ROBO2: variants seen among roughly 807,000 people sequenced by gnomAD.
The protein encoded by ROBO2 is roundabout homolog 2.
A neutral mutation model predicts 160.8 loss-of-function variants in ROBO2; 53 were observed. The observed-to-expected ratio is 0.33, with a 90% CI of 0.26 to 0.41. The LOEUF (loss-of-function observed/expected upper bound fraction) is 0.41, where lower values mean the gene tolerates loss of function less well. Ranked by LOEUF, ROBO2 falls within the 10% of genes least tolerant of loss-of-function variation. The pLI is 1.00. For missense variants in ROBO2, 1,577 were observed against 1,722.4 expected, an observed-to-expected ratio of 0.92 and a Z score of 1.49; for synonymous variants, 664 against 611.7, an observed-to-expected ratio of 1.09 and a Z score of -1.26.
chr3:76,263,658 A>G (rs1445187329), intron 2 of ROBO2, among the ~76,000 whole-genome samples: 2 of 152,162 alleles, frequency 1.3e-5, no homozygotes, highest in African/African-American at 4.8e-5. Flanking sequence ...TTACAGGTTT[A>G]TTGCAATGAC....
At chr3:77,435,200 CT>C (rs1485836549) in intron 2 of ROBO2, among the ~76,000 whole-genome samples, 1 of 151,850 alleles carries the variant, frequency 6.6e-6, no homozygotes, top group African/African-American at 2.4e-5. Flanking sequence ...CTAATTTTCT[CT>C]TGAAATTTAC....
At chr3:77,502,812 T>C (rs945705499) in intron 5 of ROBO2, among the ~76,000 whole-genome samples, 1 of 152,210 alleles carries the variant, frequency 6.6e-6, no homozygotes, top group Admixed American at 6.5e-5. Flanking sequence ...CATTATTTTA[T>C]ATAAAGGATT....
chr3:76,869,408 G>A (rs2071762462), intron 2 of ROBO2, among the ~76,000 whole-genome samples: 1 of 132,144 alleles, frequency 7.6e-6, no homozygotes, highest in South Asian at 2.4e-4. Context: ...GGAGTGCAGT[G>A]GCGCGATCTC....
At chr3:77,477,549 A>G in exon 3 of ROBO2, 1 of 1,614,154 alleles carries the variant, frequency 6.2e-7, no homozygotes, top group Non-Finnish European at 8.5e-7. Context: ...GTTCGAATTG[A>G]TGACAAGGAA....
At chr3:77,467,620 T>TATCTATCTATC (rs1057391945) in intron 2 of ROBO2, among the ~76,000 whole-genome samples, 4 of 150,428 alleles carry the variant, frequency 2.7e-5, no homozygotes, top group African/African-American at 7.3e-5. Context: ...TCTATCTATC[T>TATCTATCTATC]ATCTATCTAT....
rs954473830 is a variant in ROBO2 at position 77,560,791 on chromosome 3, T to C, written c.1438-1860T>C. Among the ~76,000 whole-genome samples, 5 of 152,184 alleles carry C rather than the reference T, an allele frequency of 3.3e-5. No individual in the cohort carries two copies. The East Asian group carries it at 7.7e-4, about 24-fold the overall frequency. ...ATGCAGTTAAGAAGCATTACCTACATACTTTTCTTTTAGCATTTGCAAGTA... is the reference window on the plus strand; with the variant it reads ...ATGCAGTTAAGAAGCATTACCTACACACTTTTCTTTTAGCATTTGCAAGTA... On this transcript the variant is annotated intron_variant, in intron 9 of 25. Transcript: ENST00000461745.
intron 2 of ROBO2, among the ~76,000 whole-genome samples, chr3:76,780,587 C>A (rs2062579237): frequency 6.6e-6 from 1 of 150,734 alleles, no homozygotes; most frequent in Admixed American, 6.6e-5. Context: ...TGTCTTTCAT[C>A]CATTTTGAGT....
intron 2 of ROBO2, among the ~76,000 whole-genome samples, chr3:77,298,941 C>G (rs1046763743): frequency 4.6e-5 from 7 of 152,020 alleles, no homozygotes; most frequent in African/African-American, 1.7e-4. Flanking sequence ...AATCAGTAGC[C>G]AGGACATTTC....
rs868066401 is a variant in ROBO2 at position 76,639,468 on chromosome 3, A to T, written c.110-458546A>T. On this transcript the variant is annotated intron_variant, in intron 2 of 26. Coordinates refer to the ROBO2 transcript ENST00000487694. The stretch of plus-strand genomic sequence containing the variant: ...TATAAGTGTACCTACACTCTCTCAC[A>T]CACACACACACACACACACACATAT... Among the ~76,000 whole-genome samples, 684 of 139,600 alleles carry T rather than the reference A, an allele frequency of 4.9e-3. 9 individuals carry two copies. Among genetic ancestry groups the T allele is most frequent in the African/African-American group, 0.016 (629 of 39,738 alleles). 91.6% of individuals were successfully genotyped at this position (139,600 alleles called of 152,430 possible).
chr3:77,557,835 T>C lies in ROBO2; in HGVS notation c.1232-109T>C, dbSNP rs1378761549. The C allele has an allele frequency of 4.8e-6, 4 of 828,414 alleles. No homozygotes were observed. In the African/African-American group the frequency reaches 6.8e-5, roughly 14 times the overall value. 51.3% of individuals were successfully genotyped at this position (828,414 alleles called of 1,614,324 possible). A position where few individuals can be genotyped will look rare whatever the true frequency, so the allele number is the denominator to read the frequency against. On this transcript the variant is annotated intron_variant, in intron 8 of 25. Transcript: ENST00000461745. ...TATACATATTGCTTAGAATAAGTTATAAGTAATATATATTGTGTTGGGGCT... is the reference window on the plus strand; with the variant it reads ...TATACATATTGCTTAGAATAAGTTACAAGTAATATATATTGTGTTGGGGCT...
chr3:77,509,962 G>A (rs1250799599), intron 5 of ROBO2, among the ~76,000 whole-genome samples: 1 of 151,998 alleles, frequency 6.6e-6, no homozygotes, highest in African/African-American at 2.4e-5. Context: ...AGAGAGAGGT[G>A]GGAGGTATGG....
intron 2 of ROBO2, among the ~76,000 whole-genome samples, chr3:77,323,072 G>C (rs868424183): frequency 1.8e-5 from 2 of 113,630 alleles, no homozygotes; most frequent in African/African-American, 6.7e-5. Context: ...ATTATATTAT[G>C]GATAATATAA....
chr3:77,291,619 C>T (rs1237284843), intron 2 of ROBO2, among the ~76,000 whole-genome samples: 77 of 133,620 alleles, frequency 5.8e-4, no homozygotes, highest in African/African-American at 2.1e-3. Context: ...GTAAAATTGA[C>T]GGTTAAATGG....
intron 2 of ROBO2, among the ~76,000 whole-genome samples, chr3:77,147,565 C>T (rs1020502829): frequency 6.6e-5 from 10 of 152,090 alleles, no homozygotes; most frequent in Non-Finnish European, 1.5e-4. Flanking sequence ...CACCATAATA[C>T]TGAAAGTTTT....
At chr3:77,528,436 T>A (rs556386612) in intron 6 of ROBO2, among the ~76,000 whole-genome samples, 1 of 151,794 alleles carries the variant, frequency 6.6e-6, no homozygotes, top group African/African-American at 2.4e-5. Context: ...TTTTTCCCCC[T>A]TCGGTTGAAA....
intron 19 of ROBO2, among the ~76,000 whole-genome samples, chr3:77,599,571 A>G (rs1035316520): frequency 6.6e-6 from 1 of 151,774 alleles, no homozygotes; most frequent in African/African-American, 2.4e-5. Context: ...TGGGTGCAGC[A>G]CACCAACATG....
chr3:77,350,989 A>G (rs759201219), intron 2 of ROBO2, among the ~76,000 whole-genome samples: 7 of 152,214 alleles, frequency 4.6e-5, no homozygotes, highest in Admixed American at 2.0e-4. Flanking sequence ...ATGCATTTCT[A>G]TATGTGTCAA....
chr3:76,336,093 G>T (rs1207175356), intron 2 of ROBO2, among the ~76,000 whole-genome samples: 5 of 152,154 alleles, frequency 3.3e-5, no homozygotes, highest in African/African-American at 4.8e-5. Context: ...GATTGAACTA[G>T]CATTTGCCTG....
At chr3:77,149,034 A>ATTT (rs71104654) in intron 2 of ROBO2, among the ~76,000 whole-genome samples, 5 of 126,120 alleles carry the variant, frequency 4.0e-5, no homozygotes, top group African/African-American at 8.8e-5. Flanking sequence ...GACAAAGTAA[A>ATTT]TTTTTTTTTT....
Sources: gnomAD v4.1 joint callset for allele counts (sites outside exome capture counted in the v4.1 genomes callset) on GRCh38, gnomAD v4.1.1 for gene constraint, MANE v1.5 for transcripts, NCBI Gene and HGNC (gene_info 2026-07-23, HGNC 2026-07-21) for gene names.